SH3PXD2A: variants seen among roughly 807,000 people sequenced by gnomAD.
The protein encoded by SH3PXD2A is SH3 and PX domains 2A.
SH3PXD2A carries 32 observed loss-of-function variants against 115.2 expected under a neutral mutation model. That is an observed-to-expected ratio of 0.28 (90% CI 0.21 to 0.37). The LOEUF (loss-of-function observed/expected upper bound fraction) is 0.37. SH3PXD2A is among the 10% of genes least tolerant of loss of function. SH3PXD2A has a pLI of 1.00. For synonymous variants in SH3PXD2A, 610 were observed against 629.1 expected, an observed-to-expected ratio of 0.97 and a Z score of 0.45; for missense variants, 1,328 against 1,498.7, an observed-to-expected ratio of 0.89 and a Z score of 1.88.
At chr10:103,753,074 T>A (rs1355136755) in intron 3 of SH3PXD2A, among the ~76,000 whole-genome samples, 1 of 152,046 alleles carries the variant, frequency 6.6e-6, no homozygotes, top group Non-Finnish European at 1.5e-5. Flanking sequence ...TTAAAGATAA[T>A]GCAAACACCC....
intron 5 of SH3PXD2A, among the ~76,000 whole-genome samples, chr10:103,705,355 A>C (rs1027428589): frequency 6.6e-6 from 1 of 152,236 alleles, no homozygotes; most frequent in Non-Finnish European, 1.5e-5. Flanking sequence ...CCCCACCGTG[A>C]GTGAGCTCTT....
In SH3PXD2A at chr10:103,606,993, T is replaced by C. The variant is rs370093551; in HGVS notation, c.1309-1076A>G. On this transcript the variant is annotated intron_variant, in intron 13 of 14. Transcript: ENST00000369774. Reference sequence around the variant, plus strand: ...GTGAGGAGCCCCTCTGCCTGGCTGCTCAGTCTGGAAAGTGAGGAGCGTCTC... The same window carrying C: ...GTGAGGAGCCCCTCTGCCTGGCTGCCCAGTCTGGAAAGTGAGGAGCGTCTC... Among the ~76,000 whole-genome samples, 9 of 133,430 alleles carry C rather than the reference T, an allele frequency of 6.7e-5. No homozygotes were observed. In the East Asian group the frequency reaches 1.4e-3, roughly 21 times the overall value. The allele number at this position is 133,430 out of a possible 152,430, so 87.5% of individuals were successfully genotyped here. A position where few individuals can be genotyped will look rare whatever the true frequency, so the allele number is the denominator to read the frequency against.
chr10:103,788,901 A>G (rs1314880242), intron 2 of SH3PXD2A, among the ~76,000 whole-genome samples: 1 of 152,000 alleles, frequency 6.6e-6, no homozygotes, highest in African/African-American at 2.4e-5. Flanking sequence ...AATAAAATAA[A>G]CTAGTGTCCC....
At chr10:103,651,692 G>A (rs2037126340) in intron 8 of SH3PXD2A, among the ~76,000 whole-genome samples, 1 of 152,156 alleles carries the variant, frequency 6.6e-6, no homozygotes, top group African/African-American at 2.4e-5. Flanking sequence ...TTTATAGACT[G>A]CATGGTTTTA....
chr10:103,715,747 G>A (rs535179628), intron 5 of SH3PXD2A, among the ~76,000 whole-genome samples: 5 of 152,214 alleles, frequency 3.3e-5, no homozygotes, highest in East Asian at 1.9e-4. Flanking sequence ...CTGCCTTCCC[G>A]AACAGGCCAG....
At chr10:103,730,500 C>A (rs554520910) in intron 4 of SH3PXD2A, among the ~76,000 whole-genome samples, 1 of 152,022 alleles carries the variant, frequency 6.6e-6, no homozygotes, top group Non-Finnish European at 1.5e-5. Flanking sequence ...TCTCACTGAA[C>A]TTCTGAGTTC....
At chr10:103,788,647 A>G (rs1033885623) in intron 2 of SH3PXD2A, among the ~76,000 whole-genome samples, 5 of 152,092 alleles carry the variant, frequency 3.3e-5, no homozygotes, top group Admixed American at 2.0e-4. Context: ...CGGGCGGATC[A>G]CTTGAGGTCA....
At chr10:103,814,583 A>G (rs1227946756) in intron 1 of SH3PXD2A, among the ~76,000 whole-genome samples, 2 of 152,120 alleles carry the variant, frequency 1.3e-5, no homozygotes, top group East Asian at 3.9e-4. Flanking sequence ...GGGGCAAGGG[A>G]CGAGTGACCA....
Position 103,619,660 on chromosome 10 carries a change from C to T in SH3PXD2A, c.803-2346G>A, listed in dbSNP as rs547608017. On this transcript the variant is annotated intron_variant, in intron 10 of 14. Transcript: ENST00000369774. ...CCGGGGTGCGTGGAAGACAGAATCC[C>T]GTGGGCCATGTAAGCTCAGGCTTTC... 5.9e-5 allele frequency among the ~76,000 whole-genome samples: 9 copies of T among 152,248 alleles called. No homozygotes were observed. The South Asian group carries it at 1.9e-3, about 32-fold the overall frequency.
At chr10:103,619,836 T>A (rs1178037934) in intron 10 of SH3PXD2A, among the ~76,000 whole-genome samples, 1 of 152,188 alleles carries the variant, frequency 6.6e-6, no homozygotes, top group Non-Finnish European at 1.5e-5. Flanking sequence ...AGCTCCTGGA[T>A]GGGAGGCTCG....
At chr10:103,737,928 G>A (rs2038398246) in intron 3 of SH3PXD2A, among the ~76,000 whole-genome samples, 1 of 152,224 alleles carries the variant, frequency 6.6e-6, no homozygotes, top group African/African-American at 2.4e-5. Context: ...CATGTGACCT[G>A]CTTCCCGTGG....
chr10:103,661,812 C>CG (rs1435459672), intron 7 of SH3PXD2A: 32 of 975,458 alleles, frequency 3.3e-5, no homozygotes, highest in South Asian at 2.9e-4. Context: ...AATGAGGAGC[C>CG]GGGGGTGGAG....
chr10:103,610,785 C>G (rs1052192646), intron 13 of SH3PXD2A, among the ~76,000 whole-genome samples: 3 of 152,210 alleles, frequency 2.0e-5, no homozygotes, highest in African/African-American at 7.2e-5. Context: ...TAAGAGATGG[C>G]TAGTACTGTC....
intron 7 of SH3PXD2A, 120 bp downstream of exon 7, chr10:103,668,488 G>T: frequency 2.3e-6 from 2 of 881,358 alleles, no homozygotes; most frequent in Non-Finnish European, 1.8e-6. Context: ...CCCCTGCCAT[G>T]CTGGCAAACA....
chr10:103,742,345 C>G (rs2038453267), intron 3 of SH3PXD2A, among the ~76,000 whole-genome samples: 2 of 152,180 alleles, frequency 1.3e-5, no homozygotes, highest in South Asian at 4.1e-4. Context: ...CTTTACATGG[C>G]CTTCCCGCCC....
At chr10:103,661,816 G>A (rs1485657880) in intron 7 of SH3PXD2A, 1 of 985,216 alleles carries the variant, frequency 1.0e-6, no homozygotes, top group Admixed American at 6.1e-5. Flanking sequence ...AGGAGCCGGG[G>A]GTGGAGGCAG....
At chr10:103,792,260 G>C (rs146358175) in intron 2 of SH3PXD2A, among the ~76,000 whole-genome samples, 10 of 152,354 alleles carry the variant, frequency 6.6e-5, no homozygotes, top group Admixed American at 1.3e-4. Context: ...AAGGGAAATA[G>C]GTTTGTAGTT....
intron 14 of SH3PXD2A, 99 bp from the exon 15 acceptor site, chr10:103,603,888 T>C: frequency 7.6e-7 from 1 of 1,323,280 alleles, no homozygotes; most frequent in Non-Finnish European, 1.0e-6. Context: ...GGATAAATTA[T>C]CTCCATTTTA....
chr10:103,777,318 A>G (rs2038889745), intron 2 of SH3PXD2A, among the ~76,000 whole-genome samples: 1 of 152,224 alleles, frequency 6.6e-6, no homozygotes, highest in Non-Finnish European at 1.5e-5. Context: ...TACAACCCTG[A>G]GGTCAGGGAG....
Sources: gnomAD v4.1 joint callset for allele counts (sites outside exome capture counted in the v4.1 genomes callset) on GRCh38, gnomAD v4.1.1 for gene constraint, MANE v1.5 for transcripts, NCBI Gene and HGNC (gene_info 2026-07-23, HGNC 2026-07-21) for gene names.